Variants in MARCHF1 observed in about 807,000 individuals in gnomAD.
MARCHF1 encodes E3 ubiquitin-protein ligase MARCHF1.
MARCHF1 carries 40 observed loss-of-function variants against 54.2 expected under a neutral mutation model. That is an observed-to-expected ratio of 0.74 (90% CI 0.57 to 0.96). The LOEUF (loss-of-function observed/expected upper bound fraction) is 0.96. Among genes scored for constraint, MARCHF1 ranks in the 40% least tolerant of loss-of-function variants. The pLI is 0.00. For missense variants in MARCHF1, 586 were observed against 656.5 expected (o/e 0.89, Z 1.17); for synonymous variants, 236 against 236.3 (o/e 1.00, Z 0.01).
chr4:163,969,086 C>T lies in MARCHF1; in HGVS notation c.-39+19415G>A, dbSNP rs146584997. Among the ~76,000 whole-genome samples the T allele has an allele frequency of 5.1e-3, 781 of 152,238 alleles. 5 individuals carry two copies. Among genetic ancestry groups the T allele is most frequent in the Non-Finnish European group, 7.3e-3 (497 of 68,006 alleles). On this transcript the variant is annotated intron_variant, in intron 3 of 9. Coordinates refer to ENST00000514618, the MANE Select transcript of MARCHF1 (RefSeq NM_001394959.1). ...TACACAGTAAGGTGAGTTTGGACAG[C>T]AGCTCTCTAGAATGACCAACTGCTT...
chr4:163,812,330 T>C (rs993488173), intron 4 of MARCHF1, among the ~76,000 whole-genome samples: 3 of 151,714 alleles, frequency 2.0e-5, no homozygotes, highest in Non-Finnish European at 4.4e-5. Context: ...TGTATACACA[T>C]ACATGTATAC....
At chr4:163,534,408 C>A (rs1201717125) in intron 9 of MARCHF1, among the ~76,000 whole-genome samples, 2 of 151,698 alleles carry the variant, frequency 1.3e-5, no homozygotes, top group African/African-American at 2.4e-5. Flanking sequence ...TTAATGTTAA[C>A]TAATTAAATG....
intron 7 of MARCHF1, among the ~76,000 whole-genome samples, chr4:163,597,415 A>G (rs139135935): frequency 6.6e-6 from 1 of 152,324 alleles, no homozygotes; most frequent in African/African-American, 2.4e-5. Flanking sequence ...TTTTTCTGAT[A>G]CCTTCCATTC....
At chr4:164,210,825 A>G (rs1242397564) in intron 1 of MARCHF1, among the ~76,000 whole-genome samples, 1 of 152,126 alleles carries the variant, frequency 6.6e-6, no homozygotes, top group Admixed American at 6.5e-5. Flanking sequence ...ACAATGGATA[A>G]AGAAAATGTG....
chr4:164,007,647 TGTGTG>T (rs1184997168), intron 2 of MARCHF1, among the ~76,000 whole-genome samples: 1 of 32,616 alleles, frequency 3.1e-5, no homozygotes, highest in African/African-American at 2.2e-4. Context: ...TCTCTCTCTC[TGTGTG>T]TGTGTGTGTG....
intron 8 of MARCHF1, among the ~76,000 whole-genome samples, chr4:163,568,974 TG>T (rs1739741314): frequency 6.6e-6 from 1 of 152,118 alleles, no homozygotes; most frequent in Non-Finnish European, 1.5e-5. Context: ...CTGTAGCAGT[TG>T]GGGCCAAGTA....
chr4:164,178,912 GCA>G (rs1199125701), intron 1 of MARCHF1, among the ~76,000 whole-genome samples: 3 of 152,104 alleles, frequency 2.0e-5, no homozygotes, highest in Non-Finnish European at 4.4e-5. Flanking sequence ...GACAAACCTT[GCA>G]TCATAGTTGT....
chr4:163,733,284 T>G (rs1370687253), intron 4 of MARCHF1, among the ~76,000 whole-genome samples: 1 of 99,632 alleles, frequency 1.0e-5, no homozygotes, highest in Non-Finnish European at 2.1e-5. Context: ...CACAGACACA[T>G]ACACACACAC....
chr4:163,705,875 C>T (rs1272682673), intron 4 of MARCHF1, among the ~76,000 whole-genome samples: 1 of 151,960 alleles, frequency 6.6e-6, no homozygotes, highest in Non-Finnish European at 1.5e-5. Flanking sequence ...AGCAATACAA[C>T]ACTCCTTTCT....
At chr4:164,019,927 A>G (rs1233589842) in intron 2 of MARCHF1, among the ~76,000 whole-genome samples, 3 of 152,316 alleles carry the variant, frequency 2.0e-5, no homozygotes, top group Non-Finnish European at 2.9e-5. Context: ...AGCTGTCGGG[A>G]AAGAGTAGAA....
chr4:164,314,211 A>AT (rs1182278378), intron 1 of MARCHF1, among the ~76,000 whole-genome samples: 1 of 152,228 alleles, frequency 6.6e-6, no homozygotes, highest in African/African-American at 2.4e-5. Flanking sequence ...CACTTTGTCT[A>AT]TATTTAATTA....
chr4:164,183,185 C>T (rs577956305), intron 1 of MARCHF1, among the ~76,000 whole-genome samples: 1 of 152,232 alleles, frequency 6.6e-6, no homozygotes, highest in African/African-American at 2.4e-5. Flanking sequence ...AAGCAATACA[C>T]ATTAAAAACT....
At chr4:164,084,137 G>A (rs1003677713) in intron 2 of MARCHF1, among the ~76,000 whole-genome samples, 1 of 151,852 alleles carries the variant, frequency 6.6e-6, no homozygotes, top group African/African-American at 2.4e-5. Context: ...TTGAAAACTA[G>A]GATATTATAA....
rs200318057 is a variant in MARCHF1 at position 163,853,961 on chromosome 4, A to T, written c.111+60T>A. 305 of 1,451,716 alleles carry T rather than the reference A, an allele frequency of 2.1e-4. 4 individuals carry two copies. In the Middle Eastern group the frequency reaches 3.0e-3, roughly 14 times the overall value. The allele number at this position is 1,451,716 out of a possible 1,614,324, so 89.9% of individuals were successfully genotyped here. A position where few individuals can be genotyped will look rare whatever the true frequency, so the allele number is the denominator to read the frequency against. ...TTACTTATAAGGTCATCCTCTCCAC[A>T]TTTCTTTAGCATTCTATTTACATAT... On this transcript the variant is annotated intron_variant, in intron 4 of 9. Coordinates refer to ENST00000514618, the MANE Select transcript of MARCHF1 (RefSeq NM_001394959.1).
chr4:163,814,597 A>C (rs1748484652), intron 4 of MARCHF1, among the ~76,000 whole-genome samples: 1 of 152,164 alleles, frequency 6.6e-6, no homozygotes, highest in Non-Finnish European at 1.5e-5. Context: ...AAATAAAAAA[A>C]TAAAAAATTG....
At chr4:164,109,668 C>T (rs990339363) in intron 2 of MARCHF1, among the ~76,000 whole-genome samples, 4 of 151,456 alleles carry the variant, frequency 2.6e-5, no homozygotes, top group Admixed American at 6.6e-5. Context: ...TCAAGAAGCG[C>T]GTGACCAAAG....
chr4:163,911,719 G>A (rs905995375), intron 3 of MARCHF1, among the ~76,000 whole-genome samples: 2 of 152,020 alleles, frequency 1.3e-5, no homozygotes, highest in Admixed American at 1.3e-4. Flanking sequence ...ATGTCATATG[G>A]GTGTCATATT....
intron 4 of MARCHF1, among the ~76,000 whole-genome samples, chr4:163,748,885 A>G (rs529280434): frequency 1.2e-4 from 18 of 152,316 alleles, no homozygotes; most frequent in Admixed American, 3.3e-4. Flanking sequence ...CCAAATAAAG[A>G]GAGATGCTCC....
intron 3 of MARCHF1, among the ~76,000 whole-genome samples, chr4:163,934,967 T>C (rs551470823): frequency 7.2e-5 from 11 of 152,274 alleles, no homozygotes; most frequent in African/African-American, 2.4e-4. Context: ...GGAATCACTA[T>C]CTATGGCAGC....
Sources: allele counts gnomAD v4.1 joint callset (sites outside exome capture counted in the v4.1 genomes callset), GRCh38; gene constraint gnomAD v4.1.1; transcripts MANE v1.5; gene names NCBI Gene and HGNC (gene_info 2026-07-23, HGNC 2026-07-21).